The following DYRK4 variants were observed in gnomAD, a reference collection of about 807,000 sequenced individuals.
DYRK4 encodes dual specificity tyrosine phosphorylation regulated kinase 4, also known as dual specificity tyrosine-phosphorylation-regulated kinase 4.
Under a neutral mutation model 68.3 loss-of-function variants are expected in DYRK4, and 64 were observed. The ratio of observed to expected loss-of-function variants is 0.94; its 90% CI spans 0.77 to 1.15. The LOEUF is 1.15. Among genes scored for constraint, DYRK4 ranks in the 50% most tolerant of loss-of-function variants. The pLI is 0.00. For synonymous variants in DYRK4, 274 were observed against 289.9 expected (o/e 0.95, Z 0.56); for missense variants, 740 against 764.7 (o/e 0.97, Z 0.38).
chr12:4,577,016 C>A (rs1005809274), intron 2 of DYRK4, among the ~76,000 whole-genome samples: 5 of 152,102 alleles, frequency 3.3e-5, no homozygotes, highest in Non-Finnish European at 7.4e-5. Flanking sequence ...TGAAGCCCAG[C>A]GTATCCATTT....
At chr12:4,580,258 C>A (rs914966734) in intron 2 of DYRK4, among the ~76,000 whole-genome samples, 6 of 152,154 alleles carry the variant, frequency 3.9e-5, no homozygotes, top group Non-Finnish European at 8.8e-5. Flanking sequence ...TGGGTAGGAC[C>A]CCAGGGAGGC....
intron 12 of DYRK4, among the ~76,000 whole-genome samples, chr12:4,608,020 C>T (rs1459907813): frequency 6.6e-6 from 1 of 152,096 alleles, no homozygotes; most frequent in Admixed American, 6.5e-5. Flanking sequence ...TATGATCCTC[C>T]GCCTTTCTAT....
Position 4,599,166 on chromosome 12 carries a change from C to T in DYRK4, c.1044C>T (p.Pro348=), listed in dbSNP as rs776692534. 67 of 1,613,564 alleles carry T rather than the reference C, an allele frequency of 4.2e-5. No individual in the cohort carries two copies. The Admixed American group carries it at 7.8e-4, about 19-fold the overall frequency. The change falls in exon 9 of 15, where the codon CCC becomes CCT. Residue 348 remains proline (P), a splice_region_variant and synonymous_variant. Transcript: ENST00000543431. ...AAATCATTCACTGTGATCTCAAGCC[C>T]GTGAGTACCATCTCCGTCCTGCCAT... ...VEKIIHCDLK[P]ENIVLYQKGQ... is the part of the protein sequence containing the mutation.
chr12:4,604,834 C>T (rs1945121873), intron 10 of DYRK4, 80 bp from the exon 11 acceptor site: 1 of 1,452,916 alleles, frequency 6.9e-7, no homozygotes, highest in Non-Finnish European at 9.1e-7. Context: ...CGCAGTCTAA[C>T]TGAGAAGTTG....
chr12:4,569,657 C>G (rs560001724), intron 2 of DYRK4, among the ~76,000 whole-genome samples: 4 of 151,968 alleles, frequency 2.6e-5, no homozygotes, highest in Non-Finnish European at 5.9e-5. Context: ...GACAGGGTCT[C>G]GCTATGTTGC....
At chr12:4,596,005 G>A (rs1565539115) in intron 6 of DYRK4, 144 bp from the exon 7 acceptor site, 3 of 857,992 alleles carry the variant, frequency 3.5e-6, no homozygotes, top group Admixed American at 2.3e-5. Flanking sequence ...TGAGATGAGG[G>A]CGAGAGTCGC....
At chr12:4,584,585 T>C (rs1238677200) in intron 2 of DYRK4, among the ~76,000 whole-genome samples, 1 of 146,264 alleles carries the variant, frequency 6.8e-6, no homozygotes, top group Non-Finnish European at 1.5e-5. Context: ...AGGCAGAGTC[T>C]TGCTCTGTCG....
intron 2 of DYRK4, among the ~76,000 whole-genome samples, chr12:4,572,492 T>TCA (rs1427856613): frequency 1.3e-5 from 2 of 152,198 alleles, no homozygotes; most frequent in Non-Finnish European, 2.9e-5. Flanking sequence ...AGACGGAGTT[T>TCA]CACCATGTTA....
intron 10 of DYRK4, 147 bp downstream of exon 10, chr12:4,599,935 A>C: frequency 1.6e-6 from 1 of 644,614 alleles, no homozygotes; most frequent in Non-Finnish European, 2.7e-6. Flanking sequence ...CTCTGAGCCC[A>C]AGTTGCCTCA....
rs140536420 is a variant in DYRK4, at chr12:4,585,175, C to T, written c.133-3762C>T. Among the ~76,000 whole-genome samples the T allele has an allele frequency of 3.5e-3, 530 of 152,280 alleles. 3 individuals are homozygous for T. Among genetic ancestry groups the T allele is most frequent in the African/African-American group, 0.012 (510 of 41,550 alleles). Reference sequence around the variant, plus strand: ...GAATCCCGACTCAAGTGTGGGCCTACGTGTGAATCTTAGTGGCCTCAGCCT... The same window carrying T: ...GAATCCCGACTCAAGTGTGGGCCTATGTGTGAATCTTAGTGGCCTCAGCCT... On this transcript the variant is annotated intron_variant, in intron 2 of 14. Transcript: ENST00000543431.
chr12:4,573,516 T>A (rs1944753559), intron 2 of DYRK4, among the ~76,000 whole-genome samples: 1 of 149,376 alleles, frequency 6.7e-6, no homozygotes, highest in South Asian at 2.1e-4. Flanking sequence ...CAAGAATTAA[T>A]CAGAGCAATA....
chr12:4,597,208 A>G (rs780684578), intron 8 of DYRK4: 13 of 963,194 alleles, frequency 1.3e-5, no homozygotes, highest in African/African-American at 3.5e-5. Context: ...CCTGACTTCA[A>G]TAGATTGGCG....
At chr12:4,570,030 C>G (rs1403807700) in intron 2 of DYRK4, among the ~76,000 whole-genome samples, 1 of 147,428 alleles carries the variant, frequency 6.8e-6, no homozygotes, top group Admixed American at 6.8e-5. Context: ...TAGCAAGACC[C>G]TGTCGCTATA....
At chr12:4,583,656 A>G (rs1348272792) in intron 2 of DYRK4, among the ~76,000 whole-genome samples, 2 of 151,994 alleles carry the variant, frequency 1.3e-5, no homozygotes, top group South Asian at 2.1e-4. Flanking sequence ...CGGCCTCCCA[A>G]AGTGCTGGGA....
In DYRK4 at chr12:4,610,153, A is replaced by C; in HGVS notation, c.1361-2A>C. 1 of 1,587,094 alleles carries C rather than the reference A, an allele frequency of 6.3e-7. No homozygotes were observed. The highest frequency in any genetic ancestry group is 8.5e-7 in the Non-Finnish European group (1 of 1,170,932). The stretch of plus-strand genomic sequence containing the variant: ...TAAATACAGAATGTTCTATCTCTAC[A>C]GATTCCAAAGGTTTTCCTAAAAATA... On this transcript the variant is annotated splice_acceptor_variant, in intron 12 of 14. Coordinates refer to ENST00000543431, the MANE Select transcript of DYRK4 (RefSeq NM_001394779.1). LOFTEE classifies it high-confidence loss of function.
intron 2 of DYRK4, among the ~76,000 whole-genome samples, chr12:4,569,136 A>T (rs183929101): frequency 6.6e-6 from 1 of 152,342 alleles, no homozygotes; most frequent in Non-Finnish European, 1.5e-5. Flanking sequence ...ATTATAACTC[A>T]TACAAATGGA....
At chr12:4,570,266 T>C (rs1014105869) in intron 2 of DYRK4, among the ~76,000 whole-genome samples, 5 of 151,938 alleles carry the variant, frequency 3.3e-5, no homozygotes, top group African/African-American at 1.2e-4. Context: ...AAAAAAAAAG[T>C]CACATTCAAA....
chr12:4,603,322 AC>A, intron 10 of DYRK4: 1 of 694,228 alleles, frequency 1.4e-6, no homozygotes, highest in African/African-American at 1.8e-5. Flanking sequence ...TGCTGGCATC[AC>A]TTTTTTCATT....
chr12:4,613,715 T>C lies in DYRK4; in HGVS notation c.1867T>C (p.Ser623Pro), dbSNP rs1945257222. 3 of 1,582,872 alleles carry C rather than the reference T, an allele frequency of 1.9e-6. No individual in the cohort carries two copies. The highest frequency in any genetic ancestry group is 1.7e-6 in the Non-Finnish European group (2 of 1,156,876). ...MTSPGQSKNF[S>P]LKNTNVLPPI... ...CTCCCCAGGACAGAGCAAAAACTTC[T>C]CCCTCAAGAACACAAACGTTTTACC... Residue 623 changes from serine (S) to proline (P), a missense_variant, in exon 15 of 15, where the codon TCC becomes CCC. Around this residue, in one of 3 missense-constraint regions of DYRK4, gnomAD observed 614 missense variants for 603.7 expected, o/e 1.02. Transcript: ENST00000543431. The surrounding 1 kb of genome is among the most constrained non-coding windows in gnomAD (Gnocchi z 4.0).
Sources: gnomAD v4.1 joint callset for allele counts (sites outside exome capture counted in the v4.1 genomes callset) on GRCh38, gnomAD v4.1.1 for gene constraint, gnomAD v4.1.1 regional missense constraint, Gnocchi (gnomAD v3.1) non-coding constraint, MANE v1.5 for transcripts, NCBI Gene and HGNC (gene_info 2026-07-23, HGNC 2026-07-21) for gene names.